SCFD2: variants seen among roughly 807,000 people sequenced by gnomAD.
The protein encoded by SCFD2 is sec1 family domain-containing protein 2.
SCFD2 carries 54 observed loss-of-function variants against 58.9 expected under a neutral mutation model. That is an observed-to-expected ratio of 0.92 (90% CI 0.74 to 1.15). The LOEUF is 1.15. SCFD2 is among the 50% of genes most tolerant of loss of function. The pLI, the probability that SCFD2 is intolerant of heterozygous loss-of-function variation, is 0.00. For synonymous variants in SCFD2, 321 were observed against 335.9 expected, an observed-to-expected ratio of 0.96 and a Z score of 0.49; for missense variants, 805 against 836.6, an observed-to-expected ratio of 0.96 and a Z score of 0.47.
At chr4:53,039,546 T>C (rs1286413266) in intron 5 of SCFD2, among the ~76,000 whole-genome samples, 1 of 152,148 alleles carries the variant, frequency 6.6e-6, no homozygotes, top group Non-Finnish European at 1.5e-5. Context: ...TTCTCACCAA[T>C]TCCTGCCTTT....
intron 5 of SCFD2, among the ~76,000 whole-genome samples, chr4:52,924,517 C>T (rs1462480072): frequency 6.6e-6 from 1 of 152,122 alleles, no homozygotes; most frequent in African/African-American, 2.4e-5. Flanking sequence ...ATTTTTCAAG[C>T]CAACTGTACA....
chr4:52,980,683 C>T (rs1160185263), intron 5 of SCFD2, among the ~76,000 whole-genome samples: 1 of 152,170 alleles, frequency 6.6e-6, no homozygotes, highest in Non-Finnish European at 1.5e-5. Context: ...ACTGCTGATG[C>T]ACTTCTGGTT....
intron 4 of SCFD2, among the ~76,000 whole-genome samples, chr4:53,226,080 A>C (rs2149000251): frequency 6.6e-6 from 1 of 152,216 alleles, no homozygotes; most frequent in African/African-American, 2.4e-5. Context: ...GGGATTACAG[A>C]TATGAGCCAC....
chr4:53,238,074 C>T (rs1257101098), intron 4 of SCFD2, among the ~76,000 whole-genome samples: 121 of 129,054 alleles, frequency 9.4e-4, no homozygotes, highest in African/African-American at 2.9e-3. Context: ...ACCTCCCTCC[C>T]GGATGGGGCG....
chr4:53,331,975 A>G (rs374322763), intron 2 of SCFD2, among the ~76,000 whole-genome samples: 21 of 152,298 alleles, frequency 1.4e-4, no homozygotes, highest in Non-Finnish European at 2.4e-4. Flanking sequence ...ACACCTCTAC[A>G]CAAATAAACT....
intron 5 of SCFD2, among the ~76,000 whole-genome samples, chr4:52,976,043 G>A (rs1342120718): frequency 1.7e-5 from 2 of 118,500 alleles, no homozygotes; most frequent in Non-Finnish European, 3.4e-5. Flanking sequence ...GGAGGGGGGA[G>A]GGATAGTATT....
intron 3 of SCFD2, among the ~76,000 whole-genome samples, chr4:53,300,525 C>T (rs1732241045): frequency 6.6e-6 from 1 of 152,066 alleles, no homozygotes; most frequent in Non-Finnish European, 1.5e-5. Context: ...CCACTGTCCA[C>T]AGTAGACAGA....
intron 4 of SCFD2, among the ~76,000 whole-genome samples, chr4:53,161,876 T>C (rs1726863608): frequency 6.6e-6 from 1 of 152,218 alleles, no homozygotes; most frequent in Non-Finnish European, 1.5e-5. Context: ...CCAGGGTTTT[T>C]AAAATGCAAC....
At chr4:53,227,493 T>C (rs2149002003) in intron 4 of SCFD2, among the ~76,000 whole-genome samples, 1 of 152,290 alleles carries the variant, frequency 6.6e-6, no homozygotes, top group South Asian at 2.1e-4. Flanking sequence ...AGAATCTTGG[T>C]ATAAAAACGG....
intron 4 of SCFD2, among the ~76,000 whole-genome samples, chr4:53,221,281 A>C (rs536275236): frequency 6.6e-6 from 1 of 152,282 alleles, no homozygotes; most frequent in East Asian, 1.9e-4. Context: ...GAATAATAAT[A>C]ATTTCTCATT....
At chr4:53,358,223 A>G (rs1402623889) in intron 1 of SCFD2, among the ~76,000 whole-genome samples, 3 of 152,188 alleles carry the variant, frequency 2.0e-5, no homozygotes, top group Non-Finnish European at 4.4e-5. Flanking sequence ...ATGAGAGTTA[A>G]TCTTTAATCA....
chr4:53,282,630 T>G (rs538784131), intron 3 of SCFD2, among the ~76,000 whole-genome samples: 2 of 152,008 alleles, frequency 1.3e-5, no homozygotes, highest in East Asian at 3.9e-4. Context: ...CATACCCAAA[T>G]AAAAAAGATT....
chr4:53,196,827 T>A (rs1269277214), intron 4 of SCFD2, among the ~76,000 whole-genome samples: 2 of 152,010 alleles, frequency 1.3e-5, no homozygotes, highest in African/African-American at 2.4e-5. Flanking sequence ...CATAAATTTA[T>A]AGTTTTACTC....
intron 3 of SCFD2, among the ~76,000 whole-genome samples, chr4:53,296,869 T>C (rs891615194): frequency 6.6e-6 from 1 of 152,216 alleles, no homozygotes; most frequent in African/African-American, 2.4e-5. Context: ...AAGAACATCT[T>C]TATTTCCGCC....
chr4:53,255,873 G>C (rs1454785261), intron 4 of SCFD2, among the ~76,000 whole-genome samples: 4 of 145,414 alleles, frequency 2.8e-5, no homozygotes, highest in Admixed American at 6.8e-5. Flanking sequence ...CGGACGGGGC[G>C]GCTGGCCGGG....
Position 53,273,876 on chromosome 4 carries a change from G to A in SCFD2, c.1261C>T (p.Gln421Ter). 1 of 1,613,930 alleles carries A rather than the reference G, an allele frequency of 6.2e-7. No homozygotes were observed. Residue 421 changes from glutamine (Q) to a stop codon, truncating the protein, a stop_gained, in exon 4 of 9, where the codon CAG (glutamine) becomes TAG (stop). Coordinates refer to ENST00000401642, the MANE Select transcript of SCFD2 (RefSeq NM_152540.4). LOFTEE classifies it high-confidence loss of function. Reference protein sequence around the residue: ...LATAQTLKHPQTAKWDNFLAF... With the variant: ...LATAQTLKHP ...AGAAAGTTGTCCCACTTGGCAGTCT[G>A]TGGGTGTTTCAACGTTTGAGCTGTG... is the stretch of plus-strand genomic sequence containing the variant.
At chr4:53,083,924 C>G (rs1463499716) in intron 5 of SCFD2, among the ~76,000 whole-genome samples, 3 of 152,042 alleles carry the variant, frequency 2.0e-5, no homozygotes, top group African/African-American at 7.2e-5. Flanking sequence ...GGACAAAGGG[C>G]AAAAGCAGAA....
chr4:53,269,517 G>C (rs73250949), intron 4 of SCFD2, among the ~76,000 whole-genome samples: 3,347 of 152,172 alleles, frequency 0.022, 57 homozygotes, highest in Non-Finnish European at 0.031. Context: ...AGAAATTATA[G>C]TTTTGAATCA....
intron 4 of SCFD2, among the ~76,000 whole-genome samples, chr4:53,240,825 T>A (rs115730760): frequency 2.6e-3 from 402 of 152,314 alleles, no homozygotes; most frequent in African/African-American, 9.2e-3. Flanking sequence ...TGCCTTGAGT[T>A]CGATTTCTTA....
Sources: gnomAD v4.1 joint callset for allele counts (sites outside exome capture counted in the v4.1 genomes callset) on GRCh38, gnomAD v4.1.1 for gene constraint, MANE v1.5 for transcripts, NCBI Gene and HGNC (gene_info 2026-07-23, HGNC 2026-07-21) for gene names.